ANKRD24: variants seen among roughly 807,000 people sequenced by gnomAD.
ANKRD24 encodes the protein ankyrin repeat domain 24.
Under a neutral mutation model 127.8 loss-of-function variants are expected in ANKRD24, and 109 were observed. The observed-to-expected ratio is 0.85, with a 90% CI of 0.73 to 1.00. The LOEUF (loss-of-function observed/expected upper bound fraction) is 1.00. Ranked by LOEUF, ANKRD24 falls within the 50% of genes least tolerant of loss-of-function variation. ANKRD24 has a pLI of 0.00. For missense variants in ANKRD24, 1,648 were observed against 1,570.2 expected (o/e 1.05, Z -0.84); for synonymous variants, 743 against 671.1 (o/e 1.11, Z -1.66).
intron 7 of ANKRD24, 81 bp from the exon 8 acceptor site, chr19:4,207,161 C>T (rs542873909): frequency 4.0e-6 from 5 of 1,237,124 alleles, no homozygotes; most frequent in African/African-American, 1.5e-5. Context: ...AGAACTCAAG[C>T]GAACCTCCTG....
chr19:4,218,692 C>CCT (rs201860646), intron 18 of ANKRD24, among the ~76,000 whole-genome samples: 2,392 of 151,306 alleles, frequency 0.016, 82 homozygotes, highest in African/African-American at 0.056. Flanking sequence ...CTCCTTCCTT[C>CCT]CTCTCTCTTT....
At chr19:4,212,915 G>A (rs538760371) in intron 15 of ANKRD24, among the ~76,000 whole-genome samples, 5 of 152,292 alleles carry the variant, frequency 3.3e-5, no homozygotes, top group East Asian at 1.9e-4. Context: ...GGCGGATCAC[G>A]AGGTCAGGAG....
In ANKRD24 at chr19:4,212,479, C is replaced by T. The variant is rs747333404; in HGVS notation, c.1064C>T (p.Pro355Leu). ...TGTCCCTGTTTCTCCCGTCAGTCCCCGGAGGCCAGCTCCCTGCACATCCTG... is the reference window on the plus strand; with the variant it reads ...TGTCCCTGTTTCTCCCGTCAGTCCCTGGAGGCCAGCTCCCTGCACATCCTG... ...QHKERRQQES[P>L]EASSLHILER... The change falls in exon 14 of 22, where the codon CCG becomes CTG. Residue 355 changes from proline to leucine, a missense_variant. Transcript: ENST00000318934. The T allele has an allele frequency of 1.7e-5, 27 of 1,574,710 alleles. No individual in the cohort carries two copies. The South Asian group carries it at 2.3e-4, about 14-fold the overall frequency.
At position 4,193,845 on chromosome 19, in the gene ANKRD24, G is replaced by GAGGGAGGGAGGGAGGGCGGGAAGGAAGGA. The variant is rs573649233; in HGVS notation, c.37-5835_37-5834insGAGGGAGGGAGGGCGGGAAGGAAGGAAGG. On this transcript the variant is annotated intron_variant, in intron 2 of 21. Coordinates refer to ENST00000318934, the MANE Select transcript of ANKRD24 (RefSeq NM_001393985.1). ...GAGCGAGACTCCGTCGGGAGGGAGG[G>GAGGGAGGGAGGGAGGGCGGGAAGGAAGGA]AGGAAGGAAGGAAGGAAGGAAGGAA... is the stretch of plus-strand genomic sequence containing the variant. 4.9e-5 allele frequency among the ~76,000 whole-genome samples: 2 copies of GAGGGAGGGAGGGAGGGCGGGAAGGAAGGA among 40,590 alleles called. 1 individual carries two copies. The highest frequency in any genetic ancestry group is 5.8e-4 in the Admixed American group (2 of 3,468). 26.6% of individuals were successfully genotyped at this position (40,590 alleles called of 152,430 possible).
intron 2 of ANKRD24, among the ~76,000 whole-genome samples, chr19:4,190,724 C>T (rs1968340534): frequency 6.6e-6 from 1 of 152,284 alleles, no homozygotes; most frequent in East Asian, 1.9e-4. Context: ...GGTGACAGAG[C>T]GAGACTCCGT....
In ANKRD24 at chr19:4,224,811, A is replaced by C; in HGVS notation, c.*306A>C. ...CCAGGAATAAAGGCATTCTGTGCACAGGGCCAACGCGTGCCGTCTCGTTGC... is the reference window on the plus strand; with the variant it reads ...CCAGGAATAAAGGCATTCTGTGCACCGGGCCAACGCGTGCCGTCTCGTTGC... On this transcript the variant is annotated 3_prime_UTR_variant, in exon 22 of 22. Transcript: ENST00000318934. 1 of 444,744 alleles carries C rather than the reference A, an allele frequency of 2.2e-6. No individual in the cohort carries two copies. The highest frequency in any genetic ancestry group is 2.9e-5 in the South Asian group (1 of 34,368). The allele number at this position is 444,744 out of a possible 1,614,324, so 27.5% of individuals were successfully genotyped here. A position where few individuals can be genotyped will look rare whatever the true frequency, so the allele number is the denominator to read the frequency against.
rs1478167475 is a variant in ANKRD24, at chr19:4,216,850, G to A, written c.1690G>A (p.Glu564Lys). The stretch of plus-strand genomic sequence containing the variant: ...AGTTAACGGAGCCGAGACCATAGAT[G>A]AGGAGGCTGCAGGAGATGAAACCAT... ...TKVNGAETID[E>K]EAAGDETMEA... Residue 564 changes from glutamate (E) to lysine (K), a missense_variant, in exon 18 of 22, where the codon GAG (glutamate) becomes AAG (lysine). By Grantham distance (56) the Glu-to-Lys change is moderately conservative. Transcript: ENST00000318934. The A allele has an allele frequency of 6.2e-7, 1 of 1,610,884 alleles. No individual in the cohort carries two copies. Among genetic ancestry groups the A allele is most frequent in the Non-Finnish European group, 8.5e-7 (1 of 1,178,712 alleles).
At position 4,199,926 on chromosome 19, in the gene ANKRD24, A is replaced by G. The variant is rs143744058; in HGVS notation, c.175A>G (p.Asn59Asp). 2.7e-4 allele frequency: 427 copies of G among 1,570,902 alleles called. No homozygotes were observed. The African/African-American group carries it at 5.2e-3, about 19-fold the overall frequency. ...GAGGCTGCTACAAGCCGTGGAAAAC[A>G]ACGATGCACCTCGGGTGGCCGCCCT... is the stretch of plus-strand genomic sequence containing the variant. Reference protein sequence around the residue: ...DERLLQAVENNDAPRVAALIA... With the variant: ...DERLLQAVENDDAPRVAALIA... Residue 59 changes from asparagine to aspartate, a missense_variant, in exon 4 of 22, where the codon AAC (asparagine) becomes GAC (aspartate). Physicochemically the swap from Asn to Asp is conservative, Grantham distance 23. Coordinates refer to ENST00000318934, the MANE Select transcript of ANKRD24 (RefSeq NM_001393985.1). The surrounding 1 kb of genome is among the most constrained non-coding windows in gnomAD (Gnocchi z 5.2).
chr19:4,207,644 T>A (rs1969468350), intron 9 of ANKRD24, 37 bp downstream of exon 9: 15 of 1,607,156 alleles, frequency 9.3e-6, no homozygotes, highest in Non-Finnish European at 1.3e-5. Context: ...CACCCTATGC[T>A]GTGTGACCTT....
chr19:4,224,484 A>G lies in ANKRD24; in HGVS notation c.3420A>G (p.Arg1140=). 6.2e-7 allele frequency: 1 copy of G among 1,610,906 alleles called. No homozygotes were observed. The highest frequency in any genetic ancestry group is 1.1e-5 in the South Asian group (1 of 90,358). The change falls in exon 22 of 22, where the codon AGA becomes AGG. Residue 1140 remains arginine, a synonymous_variant. Coordinates refer to ENST00000318934, the MANE Select transcript of ANKRD24 (RefSeq NM_001393985.1). ...TCAGCCAGATTCTGCAGATGCAGAG[A>G]CTCCAGGCTCAGGGCCGCTGAGAAA... is the stretch of plus-strand genomic sequence containing the variant. ...RILSQILQMQ[R]LQAQGR
intron 10 of ANKRD24, 21 bp from the exon 11 acceptor site, chr19:4,208,743 C>G (rs1221536449): frequency 1.2e-6 from 2 of 1,610,480 alleles, no homozygotes; most frequent in Admixed American, 3.4e-5. Flanking sequence ...AATGCCTGAC[C>G]CTGCTTCCCT....
Position 4,198,341 on chromosome 19 carries a change from A to AGGGGG in ANKRD24, c.37-1339_37-1338insGGGGG, listed in dbSNP as rs1968879469. On this transcript the variant is annotated intron_variant, in intron 2 of 21. Coordinates refer to ENST00000318934, the MANE Select transcript of ANKRD24 (RefSeq NM_001393985.1). This position sits in a 1 kb window ranked among gnomAD's most constrained non-coding sequence, Gnocchi z 6.1. The stretch of plus-strand genomic sequence containing the variant: ...AGGGCAAGGGGGAGGGGGCGGCACC[A>AGGGGG]GGGAGGGCGGGACCGGGCGGGCGGG... 3 of 28,344 alleles carry AGGGGG rather than the reference A, an allele frequency of 1.1e-4. No homozygotes were observed. The highest frequency in any genetic ancestry group is 1.7e-4 in the Non-Finnish European group (3 of 17,906). 1.8% of individuals were successfully genotyped at this position (28,344 alleles called of 1,614,324 possible). A position where few individuals can be genotyped will look rare whatever the true frequency, so the allele number is the denominator to read the frequency against.
intron 13 of ANKRD24, among the ~76,000 whole-genome samples, chr19:4,210,812 TA>T (rs755741239): frequency 1.9e-5 from 2 of 104,480 alleles, no homozygotes; most frequent in Non-Finnish European, 4.1e-5. Flanking sequence ...TAGTTCACTT[TA>T]TTTTTTTTTT....
intron 16 of ANKRD24, 29 bp downstream of exon 16, chr19:4,216,079 AGCC>A (rs1448329750): frequency 1.3e-6 from 2 of 1,567,670 alleles, no homozygotes; most frequent in African/African-American, 2.7e-5. Context: ...ACGCACTCCC[AGCC>A]GCCTTGTCCC....
rs1348442469 is a variant in ANKRD24, at chr19:4,202,733, A to C, written c.409-136A>C. On this transcript the variant is annotated intron_variant, in intron 6 of 21. Coordinates refer to ENST00000318934, the MANE Select transcript of ANKRD24 (RefSeq NM_001393985.1). The stretch of plus-strand genomic sequence containing the variant: ...CTATTTTCTTTTCTCACCAATTTTC[A>C]TGAAAATGGAGTCCCTTGGGGGCCA... 7.9e-6 allele frequency: 7 copies of C among 881,220 alleles called. No individual in the cohort carries two copies. The East Asian group carries it at 1.9e-4, about 23-fold the overall frequency. 54.6% of individuals were successfully genotyped at this position (881,220 alleles called of 1,614,324 possible). A position where few individuals can be genotyped will look rare whatever the true frequency, so the allele number is the denominator to read the frequency against.
chr19:4,203,304 C>T (rs767050086), intron 7 of ANKRD24, among the ~76,000 whole-genome samples: 4 of 152,150 alleles, frequency 2.6e-5, no homozygotes, highest in South Asian at 2.1e-4. Flanking sequence ...CCGCCTTGGC[C>T]TCCCAAAGTG....
rs1432079422 is a variant in ANKRD24, at chr19:4,199,769, G to A, written c.123G>A (p.Gln41=). The change falls in exon 3 of 22, where the codon CAG becomes CAA. Residue 41 remains glutamine (Q), a splice_region_variant and synonymous_variant. Coordinates refer to ENST00000318934, the MANE Select transcript of ANKRD24 (RefSeq NM_001393985.1). This position sits in a 1 kb window ranked among gnomAD's most constrained non-coding sequence, Gnocchi z 5.2. ...IPKPAARGRR[Q]SQDWGKSDER... is the part of the protein sequence containing the mutation. ...AGCCGGCAGCCAGAGGCAGGCGCCA[G>A]GCAAGTGCCCAGGGGCAGGTGGTGA... 1 of 1,537,138 alleles carries A rather than the reference G, an allele frequency of 6.5e-7. No homozygotes were observed. Among genetic ancestry groups the A allele is most frequent in the Admixed American group, 2.0e-5 (1 of 50,496 alleles).
chr19:4,192,702 G>A lies in ANKRD24; in HGVS notation c.36+6241G>A, dbSNP rs1208202802. Among the ~76,000 whole-genome samples, 4 of 151,760 alleles carry A rather than the reference G, an allele frequency of 2.6e-5. No individual in the cohort carries two copies. The East Asian group carries it at 7.9e-4, about 30-fold the overall frequency. ...TCCCAGCACTTTAGGAGATCAAGAT[G>A]GGAGGATCACTTAAGCCCAGGAGTT... On this transcript the variant is annotated intron_variant, in intron 2 of 21. Coordinates refer to ENST00000318934, the MANE Select transcript of ANKRD24 (RefSeq NM_001393985.1).
At chr19:4,182,865 C>A (rs903107917) in intron 1 of ANKRD24, 125 bp downstream of exon 1, 2 of 502,296 alleles carry the variant, frequency 4.0e-6, no homozygotes, top group Non-Finnish European at 5.1e-6. Flanking sequence ...TCCCCACAAC[C>A]CCTTTTACGG....
Sources: allele counts gnomAD v4.1 joint callset (sites outside exome capture counted in the v4.1 genomes callset), GRCh38; gene constraint gnomAD v4.1.1; non-coding constraint Gnocchi (gnomAD v3.1); transcripts MANE v1.5; gene names NCBI Gene and HGNC (gene_info 2026-07-23, HGNC 2026-07-21).